The following CNNM2 variants were observed in gnomAD, a reference collection of about 807,000 sequenced individuals.
CNNM2 encodes the protein metal transporter CNNM2.
A neutral mutation model predicts 66.9 loss-of-function variants in CNNM2; 12 were observed. The ratio of observed to expected loss-of-function variants is 0.18; its 90% CI spans 0.11 to 0.29. The LOEUF is 0.29. Among genes scored for constraint, CNNM2 ranks in the 10% least tolerant of loss-of-function variants. The pLI, the probability that CNNM2 is intolerant of heterozygous loss-of-function variation, is 1.00. For missense variants in CNNM2, 705 were observed against 1,167.7 expected (o/e 0.60, Z 5.77); for synonymous variants, 557 against 501.8 (o/e 1.11, Z -1.47).
intron 1 of CNNM2, among the ~76,000 whole-genome samples, chr10:102,958,201 GC>G (rs1847119871): frequency 6.6e-6 from 1 of 152,190 alleles, no homozygotes; most frequent in African/African-American, 2.4e-5. Flanking sequence ...CTCCCAAAGT[GC>G]TGGGATTACA....
intron 1 of CNNM2, among the ~76,000 whole-genome samples, chr10:103,029,597 T>C (rs1211916826): frequency 4.6e-5 from 7 of 152,070 alleles, no homozygotes; most frequent in African/African-American, 1.7e-4. Flanking sequence ...GCACGGTGGC[T>C]CACGCCTGTA....
At chr10:102,976,232 A>G (rs1310072725) in intron 1 of CNNM2, among the ~76,000 whole-genome samples, 2 of 152,148 alleles carry the variant, frequency 1.3e-5, no homozygotes, top group Non-Finnish European at 2.9e-5. Flanking sequence ...GGAATTTAGA[A>G]GAGAAAGCAA....
intron 1 of CNNM2, among the ~76,000 whole-genome samples, chr10:102,960,826 G>A (rs138476968): frequency 1.7e-4 from 23 of 133,746 alleles, no homozygotes; most frequent in Non-Finnish European, 2.2e-4. Flanking sequence ...CTGCTCCGTC[G>A]CCCAGGTGGA....
intron 1 of CNNM2, among the ~76,000 whole-genome samples, chr10:103,008,210 A>C (rs943855647): frequency 6.6e-6 from 1 of 152,048 alleles, no homozygotes; most frequent in East Asian, 1.9e-4. Flanking sequence ...CTTAGCTTCA[A>C]ATTACTATTG....
chr10:103,012,538 C>G (rs965861271), intron 1 of CNNM2, among the ~76,000 whole-genome samples: 3 of 151,526 alleles, frequency 2.0e-5, no homozygotes, highest in Admixed American at 1.3e-4. Flanking sequence ...ATCCCAGCTA[C>G]TTGGGAGGCT....
Position 103,085,275 on chromosome 10 carries a change from G to C in CNNM2, c.*8095G>C, listed in dbSNP as rs1004899142. ...CAGTTCTACTAAGTCATTGACTTGA[G>C]GTCAGTGGGTCCAAAAAGTGACTTG... is the stretch of plus-strand genomic sequence containing the variant. On this transcript the variant is annotated 3_prime_UTR_variant, in exon 8 of 8. Transcript: ENST00000369878. 6.6e-6 allele frequency: 1 copy of C among 152,136 alleles called. No individual in the cohort carries two copies. Among genetic ancestry groups the C allele is most frequent in the Non-Finnish European group, 1.5e-5 (1 of 68,028 alleles). The allele number at this position is 152,136 out of a possible 1,614,324, so 9.4% of individuals were successfully genotyped here.
chr10:102,937,000 TTCC>T (rs1252555386), intron 1 of CNNM2, among the ~76,000 whole-genome samples: 2 of 152,246 alleles, frequency 1.3e-5, no homozygotes, highest in Admixed American at 6.5e-5. Flanking sequence ...ATGCCATTTT[TTCC>T]TCCTCATTGT....
At chr10:102,992,211 C>T (rs1266330949) in intron 1 of CNNM2, among the ~76,000 whole-genome samples, 2 of 150,940 alleles carry the variant, frequency 1.3e-5, no homozygotes, top group African/African-American at 2.4e-5. Context: ...TTGCCAAAAA[C>T]TTTGCCCAGG....
intron 1 of CNNM2, among the ~76,000 whole-genome samples, chr10:102,990,038 C>G (rs761511560): frequency 6.6e-6 from 1 of 151,514 alleles, no homozygotes; most frequent in Non-Finnish European, 1.5e-5. Context: ...TCTCCCTCCC[C>G]GGTTCAAGCG....
At chr10:103,020,029 G>A (rs939401692) in intron 1 of CNNM2, among the ~76,000 whole-genome samples, 4 of 152,052 alleles carry the variant, frequency 2.6e-5, no homozygotes, top group South Asian at 2.1e-4. Flanking sequence ...TGTGTTACTC[G>A]TGTGGTTTTT....
intron 1 of CNNM2, among the ~76,000 whole-genome samples, chr10:102,971,805 A>G (rs976559066): frequency 5.9e-5 from 9 of 152,150 alleles, no homozygotes; most frequent in Non-Finnish European, 1.0e-4. Flanking sequence ...AACACTGGTT[A>G]TATTCATCTT....
Position 102,927,393 on chromosome 10 carries a change from C to T in CNNM2, c.1621+7292C>T, listed in dbSNP as rs201050123. On this transcript the variant is annotated intron_variant, in intron 1 of 7. Transcript: ENST00000369878. ...TCATACCAACACTGAAAAGAAGAGA[C>T]AATAAGAAGCATTCTTTCTTTCAAC... 1.0e-4 allele frequency: 162 copies of T among 1,613,600 alleles called. 1 individual carries two copies. Among genetic ancestry groups the T allele is most frequent in the Non-Finnish European group, 1.3e-4 (152 of 1,179,766 alleles).
At chr10:103,013,252 A>G (rs2064380197) in intron 1 of CNNM2, among the ~76,000 whole-genome samples, 1 of 152,184 alleles carries the variant, frequency 6.6e-6, no homozygotes, top group African/African-American at 2.4e-5. Flanking sequence ...AGGGAATGTT[A>G]GTTCCTTTTT....
chr10:103,049,064 G>A (rs1406203439), intron 1 of CNNM2, among the ~76,000 whole-genome samples: 3 of 152,086 alleles, frequency 2.0e-5, no homozygotes, highest in South Asian at 2.1e-4. Context: ...TAGGCTGATT[G>A]TGAACCCCTG....
intron 1 of CNNM2, among the ~76,000 whole-genome samples, chr10:103,034,635 C>T (rs989675449): frequency 7.9e-5 from 12 of 152,138 alleles, no homozygotes; most frequent in African/African-American, 2.9e-4. Flanking sequence ...AACAAAGCTT[C>T]TAAATAATTA....
intron 1 of CNNM2, among the ~76,000 whole-genome samples, chr10:103,035,627 CTG>C (rs1033297842): frequency 6.6e-6 from 1 of 152,186 alleles, no homozygotes; most frequent in African/African-American, 2.4e-5. Context: ...CACATAATGA[CTG>C]GAATTTTCTA....
chr10:103,071,243 G>A (rs2065575750), intron 5 of CNNM2, among the ~76,000 whole-genome samples: 1 of 152,204 alleles, frequency 6.6e-6, no homozygotes, highest in African/African-American at 2.4e-5. Flanking sequence ...GCATTCCCAG[G>A]AAATCTGTGT....
chr10:102,984,895 C>T (rs1223408634), intron 1 of CNNM2, among the ~76,000 whole-genome samples: 1 of 152,162 alleles, frequency 6.6e-6, no homozygotes, highest in African/African-American at 2.4e-5. Flanking sequence ...GATCCACCCA[C>T]CTCAGCCTCC....
intron 1 of CNNM2, among the ~76,000 whole-genome samples, chr10:103,033,314 G>A (rs1006376020): frequency 7.3e-5 from 11 of 151,530 alleles, no homozygotes; most frequent in African/African-American, 2.2e-4. Flanking sequence ...TCAGCCTCCC[G>A]AGTAGTTGGG....
Sources: gnomAD v4.1 joint callset for allele counts (sites outside exome capture counted in the v4.1 genomes callset) on GRCh38, gnomAD v4.1.1 for gene constraint, MANE v1.5 for transcripts, NCBI Gene and HGNC (gene_info 2026-07-23, HGNC 2026-07-21) for gene names.